ZNF700: variants seen among roughly 807,000 people sequenced by gnomAD.
ZNF700 encodes the protein zinc finger protein 700.
In ZNF700, 38 loss-of-function variants were observed where a neutral mutation model predicts 65.3. That is an observed-to-expected ratio of 0.58 (90% CI 0.45 to 0.76). The LOEUF (loss-of-function observed/expected upper bound fraction) is 0.76. Among genes scored for constraint, ZNF700 ranks in the 30% least tolerant of loss-of-function variants. The pLI is 0.00. For missense variants in ZNF700, 857 were observed against 888.4 expected, an observed-to-expected ratio of 0.96 and a Z score of 0.45; for synonymous variants, 285 against 290.4, an observed-to-expected ratio of 0.98 and a Z score of 0.19.
At chr19:11,941,648 C>T (rs941909578) in intron 1 of ZNF700, among the ~76,000 whole-genome samples, 28 of 152,306 alleles carry the variant, frequency 1.8e-4, no homozygotes, top group African/African-American at 4.3e-4. Flanking sequence ...AAGCGCCGCG[C>T]GCAGCCCCAG....
intron 1 of ZNF700, 41 bp downstream of exon 1, chr19:11,925,314 C>T (rs746724575): frequency 6.2e-7 from 1 of 1,605,696 alleles, no homozygotes. Context: ...GGGGGAGGGG[C>T]TGCCTGGAAC....
chr19:11,945,665 A>ACCAG (rs1256518219), intron 1 of ZNF700, among the ~76,000 whole-genome samples: 4 of 151,986 alleles, frequency 2.6e-5, no homozygotes, highest in African/African-American at 9.7e-5. Context: ...ACTTAGCCAG[A>ACCAG]GCTGGTCTTA....
rs1973049442 is a variant in ZNF700, at chr19:11,950,442, T to C, written c.*189T>C. ...TTCCTTTTACTTCTTTTCAATGTCATGAAAGGACTCACACGGGAGAGAAAC... is the reference window on the plus strand; with the variant it reads ...TTCCTTTTACTTCTTTTCAATGTCACGAAAGGACTCACACGGGAGAGAAAC... On this transcript the variant is annotated 3_prime_UTR_variant, in exon 4 of 4. Transcript: ENST00000254321. 2 of 734,368 alleles carry C rather than the reference T, an allele frequency of 2.7e-6. No homozygotes were observed. The highest frequency in any genetic ancestry group is 4.8e-6 in the Non-Finnish European group (2 of 415,456). 45.5% of individuals were successfully genotyped at this position (734,368 alleles called of 1,614,324 possible). A position where few individuals can be genotyped will look rare whatever the true frequency, so the allele number is the denominator to read the frequency against.
rs1437624099 is a variant in ZNF700, at chr19:11,946,960, C to T, written c.64-221C>T. The T allele has an allele frequency of 1.0e-5, 9 of 891,164 alleles. No homozygotes were observed. The South Asian group carries it at 1.4e-4, about 14-fold the overall frequency. 55.2% of individuals were successfully genotyped at this position (891,164 alleles called of 1,614,324 possible). A position where few individuals can be genotyped will look rare whatever the true frequency, so the allele number is the denominator to read the frequency against. ...CCAATATCACGCCATTGTACTCCAG[C>T]CTGGGCAACAAGAGTGAAACTCTGT... On this transcript the variant is annotated intron_variant, in intron 1 of 3. Transcript: ENST00000254321.
intron 1 of ZNF700, among the ~76,000 whole-genome samples, chr19:11,946,361 A>T (rs1208438610): frequency 6.6e-6 from 1 of 151,798 alleles, no homozygotes; most frequent in African/African-American, 2.4e-5. Context: ...CTAGGTAAGG[A>T]CGGGGGGCAT....
chr19:11,937,128 G>A (rs1378978322), intron 1 of ZNF700, among the ~76,000 whole-genome samples: 1 of 152,152 alleles, frequency 6.6e-6, no homozygotes, highest in East Asian at 1.9e-4. Context: ...CATGCTTTTT[G>A]TGTTGTGTGT....
chr19:11,930,977 CA>C lies in ZNF700; in HGVS notation c.63+5706del, dbSNP rs764257207. ...TTGCGCCATTGCTCTCTAGCCAGGG[CA>C]ACAAGAACAAAATTCCGTCTCAAAA... On this transcript the variant is annotated intron_variant, in intron 1 of 3. Transcript: ENST00000254321. Among the ~76,000 whole-genome samples, 64 of 136,378 alleles carry C rather than the reference CA, an allele frequency of 4.7e-4. 2 individuals are homozygous for C. The Middle Eastern group carries it at 0.014, about 31-fold the overall frequency. 89.5% of individuals were successfully genotyped at this position (136,378 alleles called of 152,430 possible). A position where few individuals can be genotyped will look rare whatever the true frequency, so the allele number is the denominator to read the frequency against.
chr19:11,929,367 C>G (rs1264455916), intron 1 of ZNF700, among the ~76,000 whole-genome samples: 1 of 148,144 alleles, frequency 6.8e-6, no homozygotes, highest in Non-Finnish European at 1.5e-5. Context: ...TTTTACCACA[C>G]TGGCCAGGCT....
chr19:11,946,094 C>G (rs769913012), intron 1 of ZNF700, among the ~76,000 whole-genome samples: 4 of 152,160 alleles, frequency 2.6e-5, no homozygotes, highest in Non-Finnish European at 4.4e-5. Context: ...GAGCCTGGTC[C>G]CCCTTAGTCC....
At chr19:11,933,461 A>G (rs1191461435) in intron 1 of ZNF700, among the ~76,000 whole-genome samples, 1 of 147,808 alleles carries the variant, frequency 6.8e-6, no homozygotes, top group Non-Finnish European at 1.5e-5. Context: ...CCACCATCAC[A>G]GTCTTATACA....
chr19:11,944,642 A>T lies in ZNF700; in HGVS notation c.64-2539A>T, dbSNP rs546062650. 2.4e-4 allele frequency among the ~76,000 whole-genome samples: 37 copies of T among 152,340 alleles called. No individual in the cohort carries two copies. The South Asian group carries it at 7.0e-3, about 29-fold the overall frequency. ...TTCCACCCACCCAGAGTATGTACAC[A>T]CAAGAACTAGTAAATACTTGTTATC... is the stretch of plus-strand genomic sequence containing the variant. On this transcript the variant is annotated intron_variant, in intron 1 of 3. Transcript: ENST00000254321.
intron 1 of ZNF700, among the ~76,000 whole-genome samples, chr19:11,944,868 C>T (rs1331443678): frequency 6.6e-6 from 1 of 152,212 alleles, no homozygotes; most frequent in Non-Finnish European, 1.5e-5. Flanking sequence ...TGAAGTGACT[C>T]CTGGCCTAGA....
At chr19:11,927,141 T>A (rs563064781) in intron 1 of ZNF700, among the ~76,000 whole-genome samples, 1 of 152,152 alleles carries the variant, frequency 6.6e-6, no homozygotes, top group African/African-American at 2.4e-5. Context: ...TAACTTGAGG[T>A]CAGGAGTTCG....
intron 1 of ZNF700, among the ~76,000 whole-genome samples, chr19:11,932,764 AG>A (rs1326471671): frequency 6.8e-6 from 1 of 146,392 alleles, no homozygotes; most frequent in East Asian, 1.9e-4. Flanking sequence ...CAGCCTCCCA[AG>A]TAGCTGGGAC....
rs1972984151 is a variant in ZNF700 at position 11,947,733 on chromosome 19, T to A, written c.251+159T>A. Reference sequence around the variant, plus strand: ...ACATATATTTAAACGTGACTGAGGCTGAGGGCTCACTCCTGTAATCCCAGT... The same window carrying A: ...ACATATATTTAAACGTGACTGAGGCAGAGGGCTCACTCCTGTAATCCCAGT... On this transcript the variant is annotated intron_variant, in intron 3 of 3. Transcript: ENST00000254321. Among the ~76,000 whole-genome samples the A allele has an allele frequency of 2.0e-5, 3 of 152,240 alleles. No homozygotes were observed. In the South Asian group the frequency reaches 6.2e-4, roughly 32 times the overall value.
rs778330612 is a variant in ZNF700, at chr19:11,948,712, G to A, written c.688G>A (p.Ala230Thr). Residue 230 changes from alanine to threonine, a missense_variant, in exon 4 of 4, where the codon GCC (alanine) becomes ACC (threonine). By Grantham distance (58) the Ala-to-Thr change is moderately conservative. Coordinates refer to ENST00000254321, the MANE Select transcript of ZNF700 (RefSeq NM_144566.3). ...TTATAAATGTAAATTTTGTGGGAAA[G>A]CCTTCCATTCTTTCAGTTTATATCT... Reference protein sequence around the residue: ...GTYKCKFCGKAFHSFSLYLIH... With the variant: ...GTYKCKFCGKTFHSFSLYLIH... The A allele has an allele frequency of 2.5e-6, 4 of 1,612,986 alleles. No individual in the cohort carries two copies. Among genetic ancestry groups the A allele is most frequent in the South Asian group, 2.2e-5 (2 of 90,902 alleles).
At chr19:11,926,215 G>T (rs1233943993) in intron 1 of ZNF700, among the ~76,000 whole-genome samples, 1 of 152,158 alleles carries the variant, frequency 6.6e-6, no homozygotes, top group Non-Finnish European at 1.5e-5. Flanking sequence ...TTGTAAGTTA[G>T]TATCTTCTTG....
In ZNF700 at chr19:11,935,125, G is replaced by A. The variant is rs1449994122; in HGVS notation, c.63+9852G>A. Among the ~76,000 whole-genome samples, 6 of 137,584 alleles carry A rather than the reference G, an allele frequency of 4.4e-5. No homozygotes were observed. In the South Asian group the frequency reaches 6.9e-4, roughly 16 times the overall value. The allele number at this position is 137,584 out of a possible 152,430, so 90.3% of individuals were successfully genotyped here. ...CGGGAGGCGGAGCTTGCAGTGGGCCGAGATGGCACCACTGCACTCCAGCCT... is the reference window on the plus strand; with the variant it reads ...CGGGAGGCGGAGCTTGCAGTGGGCCAAGATGGCACCACTGCACTCCAGCCT... On this transcript the variant is annotated intron_variant, in intron 1 of 3. Coordinates refer to ENST00000254321, the MANE Select transcript of ZNF700 (RefSeq NM_144566.3).
At position 11,950,644 on chromosome 19, in the gene ZNF700, G is replaced by T. The variant is rs1392282138; in HGVS notation, c.*391G>T. On this transcript the variant is annotated 3_prime_UTR_variant, in exon 4 of 4. Coordinates refer to ENST00000254321, the MANE Select transcript of ZNF700 (RefSeq NM_144566.3). ...TGTAAGCAGTATGGGAAAGCCTTCA[G>T]ATCTGCCAAGATTCTTTGAATACAG... The T allele has an allele frequency of 2.9e-6, 1 of 344,842 alleles. No homozygotes were observed. Among genetic ancestry groups the T allele is most frequent in the Non-Finnish European group, 5.7e-6 (1 of 174,618 alleles). The allele number at this position is 344,842 out of a possible 1,614,324, so 21.4% of individuals were successfully genotyped here.
Sources: allele counts gnomAD v4.1 joint callset (sites outside exome capture counted in the v4.1 genomes callset), GRCh38; gene constraint gnomAD v4.1.1; transcripts MANE v1.5; gene names NCBI Gene and HGNC (gene_info 2026-07-23, HGNC 2026-07-21).